The following ADARB1 variants were observed in gnomAD, a reference collection of about 807,000 sequenced individuals.
ADARB1 encodes adenosine deaminase RNA specific B1.
ADARB1 carries 10 observed loss-of-function variants against 52.4 expected under a neutral mutation model. That is an observed-to-expected ratio of 0.19 (90% CI 0.12 to 0.32). The LOEUF is 0.32. Among genes scored for constraint, ADARB1 ranks in the 10% least tolerant of loss-of-function variants. ADARB1 has a pLI of 1.00. For missense variants in ADARB1, 643 were observed against 922.3 expected (o/e 0.70, Z 3.92); for synonymous variants, 349 against 371.1 (o/e 0.94, Z 0.68).
intron 1 of ADARB1, among the ~76,000 whole-genome samples, chr21:45,115,676 GC>G (rs1483277811): frequency 6.6e-6 from 1 of 152,182 alleles, no homozygotes; most frequent in Non-Finnish European, 1.5e-5. Flanking sequence ...AGTTGAGGTA[GC>G]TTTTAAAATT....
At chr21:45,158,564 G>A (rs1273440834) in intron 2 of ADARB1, among the ~76,000 whole-genome samples, 1 of 152,122 alleles carries the variant, frequency 6.6e-6, no homozygotes, top group Non-Finnish European at 1.5e-5. Context: ...GTGGCTCTTG[G>A]GGATTTGGGG....
At chr21:45,095,193 C>A (rs573598132) in intron 1 of ADARB1, among the ~76,000 whole-genome samples, 1 of 152,390 alleles carries the variant, frequency 6.6e-6, no homozygotes, top group African/African-American at 2.4e-5. Context: ...CCTTCTGGCT[C>A]AGTCTTCTGT....
chr21:45,157,828 C>T lies in ADARB1; in HGVS notation c.-47-13782C>T, dbSNP rs1352670258. On this transcript the variant is annotated intron_variant, in intron 2 of 10. Coordinates refer to ENST00000348831, the MANE Select transcript of ADARB1 (RefSeq NM_001112.4). This position sits in a 1 kb window ranked among gnomAD's most constrained non-coding sequence, Gnocchi z 4.1. ...CCTAGGTTTCTTCCATCCTTAAGCT[C>T]TGTTCTCTAACAGAAGTCACCCTGG... Among the ~76,000 whole-genome samples, 1 of 152,184 alleles carries T rather than the reference C, an allele frequency of 6.6e-6. No individual in the cohort carries two copies. Among genetic ancestry groups the T allele is most frequent in the Non-Finnish European group, 1.5e-5 (1 of 68,032 alleles).
rs199697177 is a variant in ADARB1 at position 45,176,372 on chromosome 21, T to C, written c.671T>C (p.Val224Ala). 2 of 1,614,174 alleles carry C rather than the reference T, an allele frequency of 1.2e-6. No homozygotes were observed. Among genetic ancestry groups the C allele is most frequent in the Non-Finnish European group, 1.7e-6 (2 of 1,180,010 alleles). Residue 224 changes from valine to alanine, a missense_variant, in exon 4 of 11, where the codon GTC becomes GCC. Val to Ala is a moderately conservative substitution (Grantham distance 64, BLOSUM62 0). Around this residue, in one of 2 missense-constraint regions of ADARB1, gnomAD observed 380 missense variants for 446.5 expected, o/e 0.85. Transcript: ENST00000348831. This position sits in a 1 kb window ranked among gnomAD's most constrained non-coding sequence, Gnocchi z 5.8. ...AGCCTAGCCCAGCCTCCTCTCCCTGTCTTACCACCATTCCCACCCCCGAGT... is the reference window on the plus strand; with the variant it reads ...AGCCTAGCCCAGCCTCCTCTCCCTGCCTTACCACCATTCCCACCCCCGAGT... ...PASLAQPPLP[V>A]LPPFPPPSGK...
At chr21:45,134,684 C>T (rs1256678835) in intron 2 of ADARB1, 1 of 441,546 alleles carries the variant, frequency 2.3e-6, no homozygotes, top group Non-Finnish European at 4.5e-6. Context: ...AAAAGACTTG[C>T]ACAGATTTTT....
At chr21:45,120,532 C>A (rs2088112993) in intron 1 of ADARB1, among the ~76,000 whole-genome samples, 1 of 152,130 alleles carries the variant, frequency 6.6e-6, no homozygotes, top group Non-Finnish European at 1.5e-5. Flanking sequence ...TCTAAGGAAG[C>A]CTGCGAAGGC....
At chr21:45,118,089 C>G (rs1481170535) in intron 1 of ADARB1, among the ~76,000 whole-genome samples, 2 of 152,182 alleles carry the variant, frequency 1.3e-5, no homozygotes, top group African/African-American at 2.4e-5. Flanking sequence ...AGAAAAGTAA[C>G]ATTTATAGTA....
At chr21:45,196,471 G>GC (rs2092428524) in intron 8 of ADARB1, among the ~76,000 whole-genome samples, 2 of 152,208 alleles carry the variant, frequency 1.3e-5, no homozygotes, top group Admixed American at 1.3e-4. Flanking sequence ...CACTAAAAAA[G>GC]ACTTTCCATA....
intron 2 of ADARB1, 30 bp from the exon 3 acceptor site, chr21:45,171,580 A>G: frequency 1.4e-6 from 2 of 1,409,218 alleles, no homozygotes; most frequent in Non-Finnish European, 1.0e-6. Context: ...TCATAGGCAC[A>G]CTAAATGCTA....
intron 8 of ADARB1, among the ~76,000 whole-genome samples, chr21:45,194,200 C>CAGTG (rs1462661430): frequency 6.6e-6 from 1 of 152,126 alleles, no homozygotes; most frequent in Non-Finnish European, 1.5e-5. Context: ...CCCATATACC[C>CAGTG]AGTGCCCTCA....
chr21:45,173,663 A>G (rs2091575939), intron 3 of ADARB1, among the ~76,000 whole-genome samples: 1 of 150,868 alleles, frequency 6.6e-6, no homozygotes. Flanking sequence ...AAATGTAAGC[A>G]GTAATCTAGT....
chr21:45,220,861 G>A lies in ADARB1; in HGVS notation c.1773G>A (p.Gln591=). 1 of 1,613,380 alleles carries A rather than the reference G, an allele frequency of 6.2e-7. No individual in the cohort carries two copies. Among genetic ancestry groups the A allele is most frequent in the East Asian group, 2.2e-5 (1 of 44,876 alleles). Residue 591 remains glutamine, a synonymous_variant, in exon 10 of 11, where the codon CAG becomes CAA. Coordinates refer to ENST00000348831, the MANE Select transcript of ADARB1 (RefSeq NM_001112.4). The surrounding 1 kb of genome is among the most constrained non-coding windows in gnomAD (Gnocchi z 6.3). ...GCATCAGCAATGCAGAAGCACGGCA[G>A]CCAGGGAAGGCCCCCAACTTCAGTG... ...LSGISNAEAR[Q]PGKAPNFSVN... is the part of the protein sequence containing the mutation.
chr21:45,221,403 A>G lies in ADARB1; in HGVS notation c.1926+389A>G. Among the ~76,000 whole-genome samples, 1 of 152,236 alleles carries G rather than the reference A, an allele frequency of 6.6e-6. No individual in the cohort carries two copies. Among genetic ancestry groups the G allele is most frequent in the Non-Finnish European group, 1.5e-5 (1 of 68,040 alleles). On this transcript the variant is annotated intron_variant, in intron 10 of 10. Coordinates refer to ENST00000348831, the MANE Select transcript of ADARB1 (RefSeq NM_001112.4). This position sits in a 1 kb window ranked among gnomAD's most constrained non-coding sequence, Gnocchi z 4.9. Reference sequence around the variant, plus strand: ...GATAACCCTCCAGTGGAGTTTTTAAACCTTTTGAATTAGCTGTGGGGCCCT... The same window carrying G: ...GATAACCCTCCAGTGGAGTTTTTAAGCCTTTTGAATTAGCTGTGGGGCCCT...
intron 1 of ADARB1, among the ~76,000 whole-genome samples, chr21:45,096,239 T>G (rs1271872173): frequency 6.6e-6 from 1 of 152,248 alleles, no homozygotes; most frequent in Non-Finnish European, 1.5e-5. Context: ...AGCAGCCCAT[T>G]TCCTCCTTCT....
At chr21:45,155,717 A>T (rs1376871133) in intron 2 of ADARB1, among the ~76,000 whole-genome samples, 1 of 141,994 alleles carries the variant, frequency 7.0e-6, no homozygotes, top group Non-Finnish European at 1.5e-5. Context: ...CCATCTATTC[A>T]TCCATCCACC....
At chr21:45,159,166 A>G (rs1204159100) in intron 2 of ADARB1, among the ~76,000 whole-genome samples, 1 of 152,200 alleles carries the variant, frequency 6.6e-6, no homozygotes, top group South Asian at 2.1e-4. Context: ...ACCGTTCCAC[A>G]TGACTGCAGA....
rs1345676366 is a variant in ADARB1, at chr21:45,223,583, T to A, written c.*1386T>A. 1.0e-6 allele frequency: 1 copy of A among 985,458 alleles called. No individual in the cohort carries two copies. The highest frequency in any genetic ancestry group is 6.2e-5 in the Admixed American group (1 of 16,258). The allele number at this position is 985,458 out of a possible 1,614,324, so 61.0% of individuals were successfully genotyped here. A position where few individuals can be genotyped will look rare whatever the true frequency, so the allele number is the denominator to read the frequency against. On this transcript the variant is annotated 3_prime_UTR_variant, in exon 11 of 11. Transcript: ENST00000348831. The stretch of plus-strand genomic sequence containing the variant: ...AGGCTCTAGAGGGTGTTCAGGTGGG[T>A]CTCCTGGGGCCATGGGGAGAGATTG...
intron 2 of ADARB1, among the ~76,000 whole-genome samples, chr21:45,156,698 C>T (rs1038385093): frequency 1.3e-5 from 2 of 152,268 alleles, no homozygotes; most frequent in African/African-American, 4.8e-5. Flanking sequence ...TACATTGTTC[C>T]GTTCATCCAA....
chr21:45,175,886 A>G lies in ADARB1; in HGVS notation c.185A>G (p.His62Arg), dbSNP rs1413018162. ...CCCCTGGAGGAGGGCAGCAATGGCC[A>G]CTCCAAGTACCGCCTGAAGAAAAGG... ...KRPLEEGSNG[H>R]SKYRLKKRRK... The change falls in exon 4 of 11, where the codon CAC (histidine) becomes CGC (arginine). Residue 62 changes from histidine to arginine, a missense_variant. His to Arg is a conservative substitution (Grantham distance 29). Transcript: ENST00000348831. 7 of 1,611,592 alleles carry G rather than the reference A, an allele frequency of 4.3e-6. No individual in the cohort carries two copies. Among genetic ancestry groups the G allele is most frequent in the Non-Finnish European group, 5.9e-6 (7 of 1,178,982 alleles).
Sources: gnomAD v4.1 joint callset for allele counts (sites outside exome capture counted in the v4.1 genomes callset) on GRCh38, gnomAD v4.1.1 for gene constraint, gnomAD v4.1.1 regional missense constraint, Gnocchi (gnomAD v3.1) non-coding constraint, MANE v1.5 for transcripts, NCBI Gene and HGNC (gene_info 2026-07-23, HGNC 2026-07-21) for gene names.